Variants in RNLS observed in about 807,000 individuals in gnomAD.
RNLS encodes renalase.
A neutral mutation model predicts 39.8 loss-of-function variants in RNLS; 39 were observed. The observed-to-expected ratio is 0.98, with a 90% CI of 0.76 to 1.28. RNLS has a LOEUF of 1.28. Among genes scored for constraint, RNLS ranks in the 50% most tolerant of loss-of-function variants. The pLI, the probability that RNLS is intolerant of heterozygous loss-of-function variation, is 0.00. For synonymous variants in RNLS, 147 were observed against 150.7 expected, an observed-to-expected ratio of 0.98 and a Z score of 0.18; for missense variants, 410 against 413.3, an observed-to-expected ratio of 0.99 and a Z score of 0.07.
chr10:88,285,158 G>A lies in RNLS; in HGVS notation c.*196C>T. The stretch of plus-strand genomic sequence containing the variant: ...GAAAAGTAGGGAAGGTGCAAGGTGT[G>A]AGGAATTTCCATTCTAGCATGGGTT... On this transcript the variant is annotated 3_prime_UTR_variant, in exon 7 of 7. Coordinates refer to ENST00000331772, the MANE Select transcript of RNLS (RefSeq NM_001031709.3). The A allele has an allele frequency of 1.6e-6, 2 of 1,240,540 alleles. No homozygotes were observed. Among genetic ancestry groups the A allele is most frequent in the South Asian group, 2.7e-5 (1 of 37,184 alleles). The allele number at this position is 1,240,540 out of a possible 1,614,324, so 76.8% of individuals were successfully genotyped here.
At chr10:88,380,893 A>G (rs1337180904) in intron 4 of RNLS, among the ~76,000 whole-genome samples, 2 of 152,196 alleles carry the variant, frequency 1.3e-5, no homozygotes, top group Admixed American at 1.3e-4. Flanking sequence ...ATTTATTTAA[A>G]TCATCCATTC....
intron 5 of RNLS, among the ~76,000 whole-genome samples, chr10:88,338,244 C>T (rs536014304): frequency 2.6e-5 from 4 of 152,304 alleles, no homozygotes; most frequent in East Asian, 1.9e-4. Flanking sequence ...ATGATGGAAA[C>T]GCTTCCCTTC....
At chr10:88,529,774 ACT>A in intron 4 of RNLS, among the ~76,000 whole-genome samples, 1 of 152,318 alleles carries the variant, frequency 6.6e-6, no homozygotes, top group South Asian at 2.1e-4. Context: ...ACAGATCATC[ACT>A]CAGCCTTAAC....
intron 4 of RNLS, among the ~76,000 whole-genome samples, chr10:88,469,910 A>T (rs1843422122): frequency 7.5e-6 from 1 of 132,888 alleles, no homozygotes; most frequent in South Asian, 2.4e-4. Context: ...TGTTGAATAC[A>T]TACATACATA....
At chr10:88,187,072 G>A in the RNLS span, among the ~76,000 whole-genome samples, 18,285 of 147,744 alleles carry the variant, frequency 0.12, 1,352 homozygotes, top group Admixed American at 0.2. Context: ...TGTAGGCACC[G>A]CAGGAGTTGA....
intron 4 of RNLS, among the ~76,000 whole-genome samples, chr10:88,370,493 T>C (rs1251583049): frequency 2.0e-5 from 3 of 152,190 alleles, no homozygotes; most frequent in Non-Finnish European, 2.9e-5. Context: ...TAAAGCATTT[T>C]AGCTCAGGGA....
chr10:88,236,857 A>G, the RNLS span, among the ~76,000 whole-genome samples: 1 of 152,178 alleles, frequency 6.6e-6, no homozygotes, highest in Non-Finnish European at 1.5e-5. Flanking sequence ...AGTGATAAGT[A>G]CAAGCATCGA....
the RNLS span, among the ~76,000 whole-genome samples, chr10:88,254,770 T>G: frequency 6.6e-6 from 1 of 152,244 alleles, no homozygotes; most frequent in Non-Finnish European, 1.5e-5. Flanking sequence ...CTTCTCAAGA[T>G]AGTACCTCTT....
intron 4 of RNLS, among the ~76,000 whole-genome samples, chr10:88,385,279 A>G (rs7090991): frequency 0.11 from 17,019 of 152,248 alleles, 1,134 homozygotes; most frequent in East Asian, 0.37. Flanking sequence ...AAGTACATCC[A>G]GTCAAATTTG....
chr10:88,246,925 T>G, the RNLS span, among the ~76,000 whole-genome samples: 3 of 152,204 alleles, frequency 2.0e-5, no homozygotes, highest in African/African-American at 7.2e-5. Flanking sequence ...TAATCTGACA[T>G]GTGTTTTGAC....
intron 5 of RNLS, among the ~76,000 whole-genome samples, chr10:88,330,202 C>T (rs1847012627): frequency 6.7e-6 from 1 of 150,358 alleles, no homozygotes; most frequent in Non-Finnish European, 1.5e-5. Context: ...ATATATATTT[C>T]TATTGTGAGC....
chr10:88,357,607 G>A, intron 5 of RNLS, among the ~76,000 whole-genome samples: 1 of 152,248 alleles, frequency 6.6e-6, no homozygotes, highest in East Asian at 1.9e-4. Context: ...TGTTTTAGTA[G>A]AAACTGGCTA....
chr10:88,559,686 A>ATTCAT (rs1359330801), intron 4 of RNLS, among the ~76,000 whole-genome samples: 1 of 23,390 alleles, frequency 4.3e-5, no homozygotes, highest in Non-Finnish European at 6.7e-5. Context: ...CATTCATTCA[A>ATTCAT]TGCAGACTGA....
chr10:88,531,006 C>T (rs1847389863), intron 4 of RNLS, among the ~76,000 whole-genome samples: 1 of 151,920 alleles, frequency 6.6e-6, no homozygotes, highest in African/African-American at 2.4e-5. Flanking sequence ...AAAAATAATT[C>T]ACTTTACAAA....
intron 4 of RNLS, among the ~76,000 whole-genome samples, chr10:88,386,550 C>T (rs1235324307): frequency 1.3e-5 from 2 of 152,086 alleles, no homozygotes; most frequent in Non-Finnish European, 2.9e-5. Flanking sequence ...GCTATTTTTC[C>T]TTATCAAACG....
intron 5 of RNLS, among the ~76,000 whole-genome samples, chr10:88,321,669 C>T (rs934241055): frequency 5.9e-5 from 9 of 151,970 alleles, no homozygotes; most frequent in African/African-American, 1.9e-4. Context: ...TTATGAATAT[C>T]TCTATGCACA....
chr10:88,449,202 A>T (rs1343025652), intron 4 of RNLS, among the ~76,000 whole-genome samples: 1 of 152,212 alleles, frequency 6.6e-6, no homozygotes, highest in Non-Finnish European at 1.5e-5. Flanking sequence ...CAAACTAATA[A>T]GCACAAAATG....
chr10:88,196,035 G>C, the RNLS span, among the ~76,000 whole-genome samples: 2 of 152,092 alleles, frequency 1.3e-5, no homozygotes, highest in East Asian at 3.8e-4. Flanking sequence ...AGATTACAGA[G>C]GTGTAGATAA....
At chr10:88,452,497 T>C (rs545082133) in intron 4 of RNLS, among the ~76,000 whole-genome samples, 18 of 152,164 alleles carry the variant, frequency 1.2e-4, no homozygotes, top group African/African-American at 2.4e-4. Context: ...GGATGTAGTG[T>C]AGACTTTATG....
Sources: gnomAD v4.1 joint callset for allele counts (sites outside exome capture counted in the v4.1 genomes callset) on GRCh38, gnomAD v4.1.1 for gene constraint, MANE v1.5 for transcripts, NCBI Gene and HGNC (gene_info 2026-07-23, HGNC 2026-07-21) for gene names.